NRXN3: variants seen among roughly 807,000 people sequenced by gnomAD.
The protein encoded by NRXN3 is neurexin III.
A neutral mutation model predicts 137.6 loss-of-function variants in NRXN3; 32 were observed. The ratio of observed to expected loss-of-function variants is 0.23; its 90% CI spans 0.18 to 0.31. NRXN3 has a LOEUF of 0.31. NRXN3 is among the 10% of genes least tolerant of loss of function. The pLI is 1.00. For missense variants in NRXN3, 1,574 were observed against 2,062.5 expected, an observed-to-expected ratio of 0.76 and a Z score of 4.59; for synonymous variants, 798 against 784.5, an observed-to-expected ratio of 1.02 and a Z score of -0.29.
chr14:78,733,631 G>A (rs1157825742), intron 8 of NRXN3, among the ~76,000 whole-genome samples: 5 of 152,254 alleles, frequency 3.3e-5, no homozygotes, highest in African/African-American at 1.2e-4. Context: ...ATTTTGTCAG[G>A]AGCTTGTTGC....
At chr14:79,827,534 G>A (rs1297363927) in intron 20 of NRXN3, among the ~76,000 whole-genome samples, 1 of 152,088 alleles carries the variant, frequency 6.6e-6, no homozygotes, top group Non-Finnish European at 1.5e-5. Context: ...ATAAAGAAAA[G>A]ACGTTTAATT....
chr14:78,170,542 GAGAA>G lies in NRXN3; in HGVS notation c.-833_-830del, dbSNP rs1156284628. 7 of 152,390 alleles carry G rather than the reference GAGAA, an allele frequency of 4.6e-5. No homozygotes were observed. Among genetic ancestry groups the G allele is most frequent in the African/African-American group, 1.7e-4 (7 of 41,546 alleles). The allele number at this position is 152,390 out of a possible 1,614,324, so 9.4% of individuals were successfully genotyped here. ...TTCTACCCTGCCACTCCCTCCCAGA[GAGAA>G]AGGAAAAGGAGAGAGAAAGATTCTG... On this transcript the variant is annotated 5_prime_UTR_variant, in exon 1 of 21. It introduces an in-frame stop codon into an upstream open reading frame of the 5' UTR. Coordinates refer to ENST00000335750, the MANE Select transcript of NRXN3 (RefSeq NM_001330195.2).
At chr14:78,578,290 A>G (rs1470995728) in intron 4 of NRXN3, among the ~76,000 whole-genome samples, 2 of 152,158 alleles carry the variant, frequency 1.3e-5, no homozygotes, top group Non-Finnish European at 2.9e-5. Flanking sequence ...ATAGAATCGG[A>G]TAAGTTTTTA....
At chr14:79,026,950 TTATATATATA>T (rs764640398) in intron 15 of NRXN3, among the ~76,000 whole-genome samples, 26 of 135,078 alleles carry the variant, frequency 1.9e-4, no homozygotes, top group East Asian at 8.4e-4. Flanking sequence ...TATTATAATT[TTATATATATA>T]TATATATATA....
chr14:79,602,066 A>T (rs1252108073), intron 16 of NRXN3, among the ~76,000 whole-genome samples: 1 of 152,202 alleles, frequency 6.6e-6, no homozygotes, highest in African/African-American at 2.4e-5. Context: ...TAAAACACTG[A>T]TCAGGCTAAA....
At chr14:78,481,271 C>G (rs1465082022) in intron 4 of NRXN3, among the ~76,000 whole-genome samples, 1 of 152,278 alleles carries the variant, frequency 6.6e-6, no homozygotes, top group African/African-American at 2.4e-5. Flanking sequence ...CAAAATGAGT[C>G]TTAACTGATT....
chr14:79,493,346 G>A (rs2096735310), intron 16 of NRXN3, among the ~76,000 whole-genome samples: 1 of 152,214 alleles, frequency 6.6e-6, no homozygotes, highest in Non-Finnish European at 1.5e-5. Context: ...AAGCTTGAAA[G>A]CCATACATTC....
chr14:79,391,445 AT>A (rs1460507042), intron 15 of NRXN3, among the ~76,000 whole-genome samples: 4 of 152,188 alleles, frequency 2.6e-5, no homozygotes, highest in African/African-American at 9.6e-5. Flanking sequence ...AAAGTTAATA[AT>A]TTTCATTCTG....
At chr14:78,372,283 C>A (rs1220559089) in intron 4 of NRXN3, among the ~76,000 whole-genome samples, 4 of 135,056 alleles carry the variant, frequency 3.0e-5, no homozygotes, top group Admixed American at 8.0e-5. Context: ...TCTCTTTTTT[C>A]TTTTCTTTTC....
chr14:79,117,542 A>G (rs899241187), intron 15 of NRXN3, among the ~76,000 whole-genome samples: 1 of 152,192 alleles, frequency 6.6e-6, no homozygotes, highest in Non-Finnish European at 1.5e-5. Context: ...AGCATGGACT[A>G]TCTCTTCTGA....
intron 4 of NRXN3, among the ~76,000 whole-genome samples, chr14:78,459,353 G>A (rs979334018): frequency 6.6e-6 from 1 of 152,206 alleles, no homozygotes; most frequent in African/African-American, 2.4e-5. Context: ...GATATTGGCA[G>A]AGCAAATGAG....
chr14:79,125,024 CAT>C (rs1364579522), intron 15 of NRXN3, among the ~76,000 whole-genome samples: 12 of 152,122 alleles, frequency 7.9e-5, no homozygotes, highest in Admixed American at 7.9e-4. Flanking sequence ...ACATTTTGTA[CAT>C]GTTTTTGTAA....
intron 4 of NRXN3, among the ~76,000 whole-genome samples, chr14:78,430,787 C>T (rs2093848025): frequency 6.6e-6 from 1 of 152,212 alleles, no homozygotes; most frequent in Non-Finnish European, 1.5e-5. Flanking sequence ...CCTAATCCAC[C>T]AACCTTGACC....
intron 17 of NRXN3, among the ~76,000 whole-genome samples, chr14:79,670,389 C>G (rs374192090): frequency 6.6e-6 from 1 of 151,998 alleles, no homozygotes; most frequent in East Asian, 1.9e-4. Flanking sequence ...TAGGTGTAAC[C>G]AAGGGCCCCT....
chr14:78,651,208 C>T lies in NRXN3; in HGVS notation c.1103C>T (p.Thr368Ile). 2 of 1,613,910 alleles carry T rather than the reference C, an allele frequency of 1.2e-6. No homozygotes were observed. The highest frequency in any genetic ancestry group is 1.7e-6 in the Non-Finnish European group (2 of 1,179,898). Residue 368 changes from threonine to isoleucine, a missense_variant, in exon 6 of 21, where the codon ACT (threonine) becomes ATT (isoleucine). By Grantham distance (89) the Thr-to-Ile change is moderately conservative. Coordinates refer to ENST00000335750, the MANE Select transcript of NRXN3 (RefSeq NM_001330195.2). ...VDGILTTTGY[T>I]QEDYTMLGSD... ...GGCATTCTTACCACGACGGGCTACA[C>T]TCAAGAGGACTATACCATGCTGGGC...
intron 10 of NRXN3, among the ~76,000 whole-genome samples, chr14:78,854,471 A>G (rs2099051305): frequency 6.6e-6 from 1 of 152,140 alleles, no homozygotes. Flanking sequence ...AGTGGGCCAT[A>G]TTTCAGTGGT....
intron 20 of NRXN3, among the ~76,000 whole-genome samples, chr14:79,854,903 T>C (rs111791128): frequency 5.8e-4 from 89 of 152,340 alleles, no homozygotes; most frequent in Non-Finnish European, 1.0e-3. Flanking sequence ...AAAATGCAGA[T>C]ATCAAGAATC....
chr14:78,510,891 A>C (rs1278818158), intron 4 of NRXN3, among the ~76,000 whole-genome samples: 3 of 152,220 alleles, frequency 2.0e-5, no homozygotes, highest in Non-Finnish European at 4.4e-5. Flanking sequence ...GCTTGTAAGC[A>C]CCAGATCTTT....
At chr14:78,510,347 G>A (rs1046812149) in intron 4 of NRXN3, among the ~76,000 whole-genome samples, 10 of 151,892 alleles carry the variant, frequency 6.6e-5, no homozygotes, top group African/African-American at 2.4e-4. Flanking sequence ...TACCAAACTG[G>A]TTATTCAGAG....
Sources: gnomAD v4.1 joint callset for allele counts (sites outside exome capture counted in the v4.1 genomes callset) on GRCh38, gnomAD v4.1.1 for gene constraint, MANE v1.5 for transcripts, NCBI Gene and HGNC (gene_info 2026-07-23, HGNC 2026-07-21) for gene names.